Variants in PPP2R3A observed in about 807,000 individuals in gnomAD.
PPP2R3A encodes the protein serine/threonine-protein phosphatase 2A regulatory subunit B'' subunit alpha.
PPP2R3A carries 80 observed loss-of-function variants against 106.9 expected under a neutral mutation model. That is an observed-to-expected ratio of 0.75 (90% CI 0.62 to 0.90). The LOEUF (loss-of-function observed/expected upper bound fraction) is 0.90, where lower values mean the gene tolerates loss of function less well. Ranked by LOEUF, PPP2R3A falls within the 40% of genes least tolerant of loss-of-function variation. The pLI is 0.00. For synonymous variants in PPP2R3A, 483 were observed against 468.3 expected (o/e 1.03, Z -0.41); for missense variants, 1,386 against 1,350.4 (o/e 1.03, Z -0.41).
rs761456361 is a variant in PPP2R3A, at chr3:136,106,291, G to A, written c.3298G>A (p.Glu1100Lys). 1 of 1,613,908 alleles carries A rather than the reference G, an allele frequency of 6.2e-7. No homozygotes were observed. Among genetic ancestry groups the A allele is most frequent in the Non-Finnish European group, 8.5e-7 (1 of 1,179,940 alleles). Residue 1100 changes from glutamate to lysine, a missense_variant, in exon 13 of 14, where the codon GAG becomes AAG. Physicochemically the swap from Glu to Lys is moderately conservative, Grantham distance 56 (BLOSUM62 1). Coordinates refer to ENST00000264977, the MANE Select transcript of PPP2R3A (RefSeq NM_002718.5). The part of the protein sequence containing the change: ...AAEEYETLVA[E>K]ESAQAQFQEG... ...TGAGGAGTATGAGACGCTTGTTGCAGAGGAATCTGCCCAAGCACAATTCCA... is the reference window on the plus strand; with the variant it reads ...TGAGGAGTATGAGACGCTTGTTGCAAAGGAATCTGCCCAAGCACAATTCCA...
At chr3:136,110,065 A>G (rs1048446111) in intron 13 of PPP2R3A, among the ~76,000 whole-genome samples, 2 of 152,088 alleles carry the variant, frequency 1.3e-5, no homozygotes, top group African/African-American at 4.8e-5. Flanking sequence ...TGAAATAGCT[A>G]CACCTCAGCA....
Position 136,071,760 on chromosome 3 carries a change from C to A in PPP2R3A, c.2544+1208C>A, listed in dbSNP as rs559170802. Among the ~76,000 whole-genome samples, 6 of 152,298 alleles carry A rather than the reference C, an allele frequency of 3.9e-5. No individual in the cohort carries two copies. In the East Asian group the frequency reaches 1.2e-3, roughly 29 times the overall value. ...TCTCCATAATCCTCCCATACCCTGG[C>A]AACCCCTATTCTCTCATCTTATCTC... On this transcript the variant is annotated intron_variant, in intron 6 of 13. Coordinates refer to ENST00000264977, the MANE Select transcript of PPP2R3A (RefSeq NM_002718.5).
At chr3:136,131,121 C>T (rs1303733464) in intron 13 of PPP2R3A, among the ~76,000 whole-genome samples, 2 of 152,178 alleles carry the variant, frequency 1.3e-5, no homozygotes, top group Non-Finnish European at 2.9e-5. Flanking sequence ...ATGATTAAAA[C>T]ACCAAAAGCA....
chr3:135,985,892 G>T (rs1236184048), intron 1 of PPP2R3A, among the ~76,000 whole-genome samples: 2 of 152,138 alleles, frequency 1.3e-5, no homozygotes, highest in African/African-American at 4.8e-5. Flanking sequence ...GTGACAGCCA[G>T]GAACTAAAAT....
Position 136,003,335 on chromosome 3 carries a change from G to C in PPP2R3A, c.1837G>C (p.Gly613Arg). 1.9e-6 allele frequency: 3 copies of C among 1,613,990 alleles called. No homozygotes were observed. The highest frequency in any genetic ancestry group is 2.5e-6 in the Non-Finnish European group (3 of 1,179,944). ...ACTAGTTGAATGCAAATCAAGCAGA[G>C]GGAGCCTATCACAAGAAAAGGAAAT... ...QELVECKSSR[G>R]SLSQEKEMMQ... The change falls in exon 2 of 14, where the codon GGG (glycine) becomes CGG (arginine). Residue 613 changes from glycine (G) to arginine (R), a missense_variant. Transcript: ENST00000264977.
At chr3:136,035,400 T>C (rs1935051722) in intron 3 of PPP2R3A, among the ~76,000 whole-genome samples, 1 of 152,222 alleles carries the variant, frequency 6.6e-6, no homozygotes. Context: ...GCTCCTTTTA[T>C]CAGTTCTTGT....
chr3:136,100,267 T>C (rs996592398), intron 10 of PPP2R3A, among the ~76,000 whole-genome samples: 2 of 151,980 alleles, frequency 1.3e-5, no homozygotes, highest in African/African-American at 4.8e-5. Flanking sequence ...TCCAGCACTT[T>C]GGGAGGCCAA....
Position 136,001,391 on chromosome 3 carries a change from A to G in PPP2R3A, c.-108A>G. On this transcript the variant is annotated 5_prime_UTR_variant, in exon 2 of 14. Transcript: ENST00000264977. ...AAAGCCATTATATTTGGAAGAAACC[A>G]CTGAACATTGTTATTAAATATATTT... 1.0e-6 allele frequency: 1 copy of G among 977,074 alleles called. No homozygotes were observed. Among genetic ancestry groups the G allele is most frequent in the Non-Finnish European group, 1.5e-6 (1 of 652,226 alleles). The allele number at this position is 977,074 out of a possible 1,614,324, so 60.5% of individuals were successfully genotyped here.
chr3:136,034,781 A>C (rs1935030857), intron 3 of PPP2R3A, among the ~76,000 whole-genome samples: 1 of 151,952 alleles, frequency 6.6e-6, no homozygotes, highest in Non-Finnish European at 1.5e-5. Context: ...TTGTTTATTG[A>C]CTTTCTGTCT....
chr3:135,997,203 C>CT (rs967117606), intron 1 of PPP2R3A, among the ~76,000 whole-genome samples: 10 of 152,144 alleles, frequency 6.6e-5, no homozygotes, highest in African/African-American at 2.4e-4. Flanking sequence ...ACCTACACCA[C>CT]TTTTTTTGAC....
At chr3:136,056,602 A>C in intron 5 of PPP2R3A, among the ~76,000 whole-genome samples, 1 of 152,194 alleles carries the variant, frequency 6.6e-6, no homozygotes, top group Non-Finnish European at 1.5e-5. Flanking sequence ...AATGGGTTAA[A>C]GACTTAAATG....
At chr3:136,135,964 C>A (rs1184412749) in intron 13 of PPP2R3A, among the ~76,000 whole-genome samples, 1 of 143,890 alleles carries the variant, frequency 6.9e-6, no homozygotes, top group East Asian at 2.0e-4. Context: ...TTTGAATGAA[C>A]CTAGGAAGGA....
intron 2 of PPP2R3A, among the ~76,000 whole-genome samples, 184 bp from the exon 3 acceptor site, chr3:136,026,648 T>G (rs1420533714): frequency 6.6e-6 from 1 of 152,132 alleles, no homozygotes; most frequent in Non-Finnish European, 1.5e-5. Context: ...GGCAGATAAT[T>G]AATAAATTAA....
chr3:136,055,355 G>C, intron 5 of PPP2R3A: 2 of 951,870 alleles, frequency 2.1e-6, no homozygotes, highest in Non-Finnish European at 3.5e-6. Flanking sequence ...TAAGAGTTTA[G>C]TTGCTACCTC....
intron 2 of PPP2R3A, among the ~76,000 whole-genome samples, chr3:136,013,857 A>G (rs1030757597): frequency 1.3e-5 from 2 of 151,918 alleles, no homozygotes; most frequent in Admixed American, 6.6e-5. Context: ...AGTCCCATCT[A>G]TTTATCTCTG....
intron 13 of PPP2R3A, among the ~76,000 whole-genome samples, chr3:136,140,609 G>A (rs1938826071): frequency 6.6e-6 from 1 of 152,006 alleles, no homozygotes; most frequent in Non-Finnish European, 1.5e-5. Context: ...TTAGCCAGGT[G>A]TGGTGGCACA....
Position 136,108,031 on chromosome 3 carries a change from G to A in PPP2R3A, c.3329+1709G>A, listed in dbSNP as rs1030512914. On this transcript the variant is annotated intron_variant, in intron 13 of 13. Transcript: ENST00000264977. ...AGTTCGAGACCAGCCTGGGCAATGT[G>A]GCGAAACCCCATCTCTACAAAAAAT... Among the ~76,000 whole-genome samples, 20 of 152,230 alleles carry A rather than the reference G, an allele frequency of 1.3e-4. No homozygotes were observed. The East Asian group carries it at 3.5e-3, about 26-fold the overall frequency.
intron 1 of PPP2R3A, among the ~76,000 whole-genome samples, chr3:135,966,886 C>T (rs1264409478): frequency 6.6e-6 from 1 of 151,990 alleles, no homozygotes. Flanking sequence ...AGTCTCAGGC[C>T]TTAGTTTCTT....
intron 8 of PPP2R3A, 124 bp downstream of exon 8, chr3:136,082,545 A>G (rs1936811064): frequency 8.6e-6 from 9 of 1,050,226 alleles, no homozygotes; most frequent in East Asian, 2.6e-5. Flanking sequence ...TTACAGGCCA[A>G]TAATTTTTAA....
Sources: gnomAD v4.1 joint callset for allele counts (sites outside exome capture counted in the v4.1 genomes callset) on GRCh38, gnomAD v4.1.1 for gene constraint, MANE v1.5 for transcripts, NCBI Gene and HGNC (gene_info 2026-07-23, HGNC 2026-07-21) for gene names.